RHEX: variants seen among roughly 807,000 people sequenced by gnomAD.
RHEX encodes regulator of hemoglobinization and erythroid cell expansion protein.
RHEX carries 18 observed loss-of-function variants against 20.1 expected under a neutral mutation model. That is an observed-to-expected ratio of 0.90 (90% CI 0.62 to 1.33). The LOEUF (loss-of-function observed/expected upper bound fraction) is 1.33. Ranked by LOEUF, RHEX falls within the 40% of genes most tolerant of loss-of-function variation. The pLI is 0.00. For synonymous variants in RHEX, 87 were observed against 77.1 expected, an observed-to-expected ratio of 1.13 and a Z score of -0.67; for missense variants, 192 against 214.3, an observed-to-expected ratio of 0.90 and a Z score of 0.65.
At chr1:206,081,637 T>C (rs1331587752) in intron 1 of RHEX, among the ~76,000 whole-genome samples, 1 of 152,190 alleles carries the variant, frequency 6.6e-6, no homozygotes, top group African/African-American at 2.4e-5. Context: ...CTCTGATACA[T>C]GATAAAAATG....
chr1:206,065,792 CCCCT>C (rs1378993888), intron 1 of RHEX, among the ~76,000 whole-genome samples: 2 of 152,190 alleles, frequency 1.3e-5, no homozygotes, highest in African/African-American at 4.8e-5. Flanking sequence ...GCAGCTGCTT[CCCCT>C]GCACCCTCAT....
At chr1:206,063,093 A>C (rs1558169006) in intron 1 of RHEX, among the ~76,000 whole-genome samples, 1 of 152,194 alleles carries the variant, frequency 6.6e-6, no homozygotes, top group Non-Finnish European at 1.5e-5. Flanking sequence ...GGCCTTACTG[A>C]CATTTGACCT....
At chr1:206,069,875 G>A (rs538374676) in intron 1 of RHEX, among the ~76,000 whole-genome samples, 3 of 152,108 alleles carry the variant, frequency 2.0e-5, no homozygotes, top group Non-Finnish European at 2.9e-5. Context: ...CCCAGTATTC[G>A]GGTATTTTCA....
rs988526761 is a variant in RHEX, at chr1:206,083,740, T to C, written c.-96-13993T>C. On this transcript the variant is annotated intron_variant, in intron 1 of 5. Coordinates refer to ENST00000331555, the MANE Select transcript of RHEX (RefSeq NM_001007544.4). ...ATATGTGTAGAAGTTTTAGAGAGGA[T>C]TCTCTGTTTATGTGCTGAGATTCCA... 3.4e-5 allele frequency: 23 copies of C among 669,504 alleles called. No individual in the cohort carries two copies. The African/African-American group carries it at 3.9e-4, about 11-fold the overall frequency. 41.5% of individuals were successfully genotyped at this position (669,504 alleles called of 1,614,324 possible). A position where few individuals can be genotyped will look rare whatever the true frequency, so the allele number is the denominator to read the frequency against.
At chr1:206,079,082 A>G (rs1662687990) in intron 1 of RHEX, among the ~76,000 whole-genome samples, 1 of 152,246 alleles carries the variant, frequency 6.6e-6, no homozygotes, top group Admixed American at 6.5e-5. Context: ...CTTTATCTTA[A>G]TATAGTGTTC....
intron 1 of RHEX, chr1:206,083,771 C>T (rs1025041545): frequency 1.3e-5 from 5 of 372,932 alleles, no homozygotes; most frequent in Non-Finnish European, 1.9e-5. Flanking sequence ...TTCCAGGGTG[C>T]GGAATTCCAC....
intron 1 of RHEX, among the ~76,000 whole-genome samples, chr1:206,070,358 T>G (rs1366933782): frequency 6.6e-6 from 1 of 152,210 alleles, no homozygotes; most frequent in Non-Finnish European, 1.5e-5. Flanking sequence ...TTCCAGAAGA[T>G]TCTCAGGAAA....
intron 1 of RHEX, among the ~76,000 whole-genome samples, chr1:206,063,649 C>T (rs1053125422): frequency 1.3e-5 from 2 of 152,282 alleles, no homozygotes; most frequent in Admixed American, 6.5e-5. Flanking sequence ...CAGCCTCGGC[C>T]TCCCGAGGTG....
chr1:206,064,230 G>A (rs1485610041), intron 1 of RHEX, among the ~76,000 whole-genome samples: 1 of 148,786 alleles, frequency 6.7e-6, no homozygotes, highest in Admixed American at 6.6e-5. Context: ...GAGCGTCTCT[G>A]CCCGGCAGCC....
intron 1 of RHEX, among the ~76,000 whole-genome samples, chr1:206,053,796 G>C (rs1368592010): frequency 6.6e-6 from 1 of 152,194 alleles, no homozygotes; most frequent in Non-Finnish European, 1.5e-5. Flanking sequence ...TCCATACATA[G>C]AAAGTTACAG....
chr1:206,061,407 T>G (rs1475462034), intron 1 of RHEX: 10 of 152,356 alleles, frequency 6.6e-5, no homozygotes, highest in African/African-American at 2.4e-4. Flanking sequence ...GGTAAGGAAC[T>G]AGTCCAGTCG....
At chr1:206,072,212 A>G (rs1553284732) in intron 1 of RHEX, among the ~76,000 whole-genome samples, 1 of 152,238 alleles carries the variant, frequency 6.6e-6, no homozygotes, top group African/African-American at 2.4e-5. Context: ...CATTCAATGT[A>G]CAAAGGTCCA....
chr1:206,088,362 A>G (rs781882260), intron 1 of RHEX, among the ~76,000 whole-genome samples: 4 of 152,224 alleles, frequency 2.6e-5, no homozygotes, highest in Non-Finnish European at 5.9e-5. Context: ...GAATAAATCT[A>G]TATTTGATAA....
intron 1 of RHEX, among the ~76,000 whole-genome samples, chr1:206,090,156 G>T (rs1438965255): frequency 2.1e-5 from 3 of 145,668 alleles, no homozygotes; most frequent in Non-Finnish European, 3.0e-5. Flanking sequence ...CTCTTAAAAA[G>T]TGGTAGTCAG....
At chr1:206,058,558 G>C (rs1447691793) in intron 1 of RHEX, among the ~76,000 whole-genome samples, 1 of 152,268 alleles carries the variant, frequency 6.6e-6, no homozygotes, top group East Asian at 1.9e-4. Flanking sequence ...AACCAGGCCT[G>C]GGCCTGCCTG....
chr1:206,078,057 T>TA (rs1286103048), intron 1 of RHEX, among the ~76,000 whole-genome samples: 1 of 152,166 alleles, frequency 6.6e-6, no homozygotes, highest in Non-Finnish European at 1.5e-5. Flanking sequence ...TACATAAAAT[T>TA]ACCTCCAGCC....
At chr1:206,055,199 G>T (rs1553282445) in intron 1 of RHEX, among the ~76,000 whole-genome samples, 1 of 152,288 alleles carries the variant, frequency 6.6e-6, no homozygotes, top group Non-Finnish European at 1.5e-5. Context: ...GTCAGCCCCT[G>T]AGGGCCGTCC....
At chr1:206,053,690 A>T (rs1459332647) in intron 1 of RHEX, among the ~76,000 whole-genome samples, 1 of 152,358 alleles carries the variant, frequency 6.6e-6, no homozygotes, top group East Asian at 1.9e-4. Context: ...GGCCAGCATT[A>T]GAGGTGGGTT....
chr1:206,070,743 T>A (rs1322602962), intron 1 of RHEX, among the ~76,000 whole-genome samples: 1 of 152,170 alleles, frequency 6.6e-6, no homozygotes, highest in Non-Finnish European at 1.5e-5. Context: ...CCACAGACAA[T>A]GCGCCCCTTG....
Sources: gnomAD v4.1 joint callset for allele counts (sites outside exome capture counted in the v4.1 genomes callset) on GRCh38, gnomAD v4.1.1 for gene constraint, MANE v1.5 for transcripts, NCBI Gene and HGNC (gene_info 2026-07-23, HGNC 2026-07-21) for gene names.